The following CPXM2 variants were observed in gnomAD, a reference collection of about 807,000 sequenced individuals.
The protein encoded by CPXM2 is carboxypeptidase X, M14 family member 2.
In CPXM2, 66 loss-of-function variants were observed where a neutral mutation model predicts 86.1. That is an observed-to-expected ratio of 0.77 (90% CI 0.63 to 0.94). The LOEUF is 0.94. Ranked by LOEUF, CPXM2 falls within the 40% of genes least tolerant of loss-of-function variation. The pLI, the probability that CPXM2 is intolerant of heterozygous loss-of-function variation, is 0.00. For missense variants in CPXM2, 948 were observed against 1,026.3 expected (o/e 0.92, Z 1.04); for synonymous variants, 388 against 400.2 (o/e 0.97, Z 0.36).
At chr10:123,913,569 C>T (rs538735012) in intron 2 of CPXM2, 8 of 165,528 alleles carry the variant, frequency 4.8e-5, no homozygotes, top group Admixed American at 2.3e-4. Flanking sequence ...AAGGAAGCTA[C>T]GTAATAAAAT....
At chr10:123,781,473 C>T (rs966021460) in intron 6 of CPXM2, among the ~76,000 whole-genome samples, 8 of 152,190 alleles carry the variant, frequency 5.3e-5, no homozygotes, top group African/African-American at 1.2e-4. Context: ...GTCAGGAAGA[C>T]GCCACTGGAA....
chr10:123,834,365 C>A (rs1848233631), intron 4 of CPXM2, among the ~76,000 whole-genome samples: 1 of 152,240 alleles, frequency 6.6e-6, no homozygotes, highest in African/African-American at 2.4e-5. Context: ...CAAGGGCAGA[C>A]AACCCTGCCT....
At chr10:123,863,688 C>T (rs1848910270) in intron 2 of CPXM2, among the ~76,000 whole-genome samples, 1 of 152,212 alleles carries the variant, frequency 6.6e-6, no homozygotes, top group Non-Finnish European at 1.5e-5. Flanking sequence ...GGGCCTCCAA[C>T]AGCCCTGCCT....
chr10:123,863,496 C>T (rs987946324), intron 2 of CPXM2, among the ~76,000 whole-genome samples: 1 of 152,204 alleles, frequency 6.6e-6, no homozygotes, highest in African/African-American at 2.4e-5. Context: ...CTACCATGCC[C>T]CCTTCCTTCC....
chr10:123,876,480 A>C (rs992297980), intron 2 of CPXM2, among the ~76,000 whole-genome samples: 3 of 152,184 alleles, frequency 2.0e-5, no homozygotes, highest in African/African-American at 7.2e-5. Flanking sequence ...TGATCAGAGG[A>C]GGCTTCCTGG....
chr10:123,758,831 G>T (rs1447357348), intron 11 of CPXM2, among the ~76,000 whole-genome samples: 1 of 152,194 alleles, frequency 6.6e-6, no homozygotes, highest in Non-Finnish European at 1.5e-5. Flanking sequence ...GAAAGCAGGA[G>T]TGTTCTGTGC....
rs1945276612 is a variant in CPXM2, at chr10:123,891,682, G to A, written c.-23C>T. The A allele has an allele frequency of 7.4e-7, 1 of 1,351,038 alleles. No individual in the cohort carries two copies. The highest frequency in any genetic ancestry group is 9.5e-7 in the Non-Finnish European group (1 of 1,052,538). 83.7% of individuals were successfully genotyped at this position (1,351,038 alleles called of 1,614,324 possible). On this transcript the variant is annotated 5_prime_UTR_variant, in exon 1 of 14. Transcript: ENST00000241305. The surrounding 1 kb of genome is among the most constrained non-coding windows in gnomAD (Gnocchi z 5.6). Reference sequence around the variant, plus strand: ...CATGCCTGCTCCGCCCCGCGCCCAGGGCAGGGTCACGGTCACCGGGGGCGC... The same window carrying A: ...CATGCCTGCTCCGCCCCGCGCCCAGAGCAGGGTCACGGTCACCGGGGGCGC...
intron 8 of CPXM2, 48 bp downstream of exon 8, chr10:123,770,868 G>A (rs1436959689): frequency 6.3e-7 from 1 of 1,576,774 alleles, no homozygotes; most frequent in Non-Finnish European, 8.6e-7. Flanking sequence ...CTGTTTACAT[G>A]AGTACCAAAG....
At chr10:123,759,942 G>GA (rs961091598) in intron 11 of CPXM2, among the ~76,000 whole-genome samples, 1 of 151,692 alleles carries the variant, frequency 6.6e-6, no homozygotes, top group African/African-American at 2.4e-5. Flanking sequence ...TAATGAGTGA[G>GA]AAAAAAAATG....
chr10:123,767,258 A>G, intron 9 of CPXM2, 106 bp from the exon 10 acceptor site: 1 of 1,022,558 alleles, frequency 9.8e-7, no homozygotes, highest in Non-Finnish European at 1.5e-6. Flanking sequence ...AATGTCTCTA[A>G]GCCTCTAGAT....
intron 4 of CPXM2, among the ~76,000 whole-genome samples, chr10:123,819,731 T>G (rs1847886672): frequency 6.6e-6 from 1 of 152,234 alleles, no homozygotes; most frequent in African/African-American, 2.4e-5. Flanking sequence ...CATTATTGTC[T>G]TTATTTGAAG....
At chr10:123,841,193 T>C (rs1363368478) in intron 4 of CPXM2, among the ~76,000 whole-genome samples, 1 of 152,134 alleles carries the variant, frequency 6.6e-6, no homozygotes, top group Non-Finnish European at 1.5e-5. Context: ...CTGACCCTAC[T>C]GCGCCCCTCC....
At chr10:123,882,789 C>G (rs1405768013) in intron 1 of CPXM2, among the ~76,000 whole-genome samples, 4 of 149,844 alleles carry the variant, frequency 2.7e-5, no homozygotes, top group Admixed American at 6.6e-5. Context: ...CAACCCCCCC[C>G]CACCATAACA....
chr10:123,897,823 G>A (rs1171585263), intron 2 of CPXM2, among the ~76,000 whole-genome samples: 1 of 152,248 alleles, frequency 6.6e-6, no homozygotes, highest in Non-Finnish European at 1.5e-5. Context: ...TGCTGCCCCG[G>A]CCCCCGGCTC....
chr10:123,804,281 AAAAC>A (rs1847531643), intron 4 of CPXM2, among the ~76,000 whole-genome samples: 2 of 152,192 alleles, frequency 1.3e-5, no homozygotes, highest in South Asian at 2.1e-4. Flanking sequence ...GTCAATTTCT[AAAAC>A]AAAGCCTCTG....
intron 4 of CPXM2, among the ~76,000 whole-genome samples, chr10:123,839,184 G>A (rs1001348844): frequency 3.3e-5 from 5 of 152,094 alleles, no homozygotes; most frequent in Admixed American, 1.3e-4. Context: ...GTCTTTATGA[G>A]ATCGAGAGTA....
chr10:123,877,762 A>C (rs987888088), intron 2 of CPXM2, among the ~76,000 whole-genome samples: 2 of 152,194 alleles, frequency 1.3e-5, no homozygotes, highest in African/African-American at 4.8e-5. Context: ...AACTATTACA[A>C]AACAACACCT....
chr10:123,918,434 C>G (rs1479226552), intron 2 of CPXM2, among the ~76,000 whole-genome samples: 1 of 152,126 alleles, frequency 6.6e-6, no homozygotes, highest in Non-Finnish European at 1.5e-5. Context: ...AAAATAATAA[C>G]AGAGTAGGGA....
intron 2 of CPXM2, among the ~76,000 whole-genome samples, chr10:123,936,342 T>A (rs1238485985): frequency 6.6e-6 from 1 of 152,144 alleles, no homozygotes; most frequent in Admixed American, 6.5e-5. Context: ...CAATCAGTAA[T>A]AATAGAGGCA....
Sources: gnomAD v4.1 joint callset for allele counts (sites outside exome capture counted in the v4.1 genomes callset) on GRCh38, gnomAD v4.1.1 for gene constraint, Gnocchi (gnomAD v3.1) non-coding constraint, MANE v1.5 for transcripts, NCBI Gene and HGNC (gene_info 2026-07-23, HGNC 2026-07-21) for gene names.